Variants in OTUD7A observed in about 807,000 individuals in gnomAD.
OTUD7A encodes OTU domain-containing protein 7A.
Under a neutral mutation model 65.7 loss-of-function variants are expected in OTUD7A, and 12 were observed. That is an observed-to-expected ratio of 0.18 (90% CI 0.12 to 0.30). The LOEUF (loss-of-function observed/expected upper bound fraction) is 0.30, where lower values mean the gene tolerates loss of function less well. Among genes scored for constraint, OTUD7A ranks in the 10% least tolerant of loss-of-function variants. The probability of loss-of-function intolerance (pLI) is 1.00; values close to 1 mark genes in which losing one functional copy is unlikely to be tolerated. For synonymous variants in OTUD7A, 641 were observed against 586.3 expected, an observed-to-expected ratio of 1.09 and a Z score of -1.35; for missense variants, 1,148 against 1,304.8, an observed-to-expected ratio of 0.88 and a Z score of 1.85.
intron 1 of OTUD7A, among the ~76,000 whole-genome samples, chr15:31,864,463 C>T (rs66464120): frequency 0.099 from 15,090 of 152,100 alleles, 1,185 homozygotes; most frequent in East Asian, 0.45. Context: ...GCACTTTTTA[C>T]GTGGTGGTGG....
chr15:31,755,551 C>G (rs563985206), intron 1 of OTUD7A, among the ~76,000 whole-genome samples: 1 of 152,106 alleles, frequency 6.6e-6, no homozygotes, highest in Non-Finnish European at 1.5e-5. Context: ...GAAACCCCGT[C>G]TCTACTAAAA....
chr15:31,730,381 C>T (rs1443736300), intron 1 of OTUD7A, among the ~76,000 whole-genome samples: 1 of 152,222 alleles, frequency 6.6e-6, no homozygotes, highest in Non-Finnish European at 1.5e-5. Flanking sequence ...TCCATAACTA[C>T]CTTTAATGCT....
chr15:31,633,274 T>C lies in OTUD7A; in HGVS notation c.151+21822A>G, dbSNP rs182457668. Among the ~76,000 whole-genome samples the C allele has an allele frequency of 3.9e-4, 60 of 152,272 alleles. No homozygotes were observed. The East Asian group carries it at 0.012, about 29-fold the overall frequency. On this transcript the variant is annotated intron_variant, in intron 3 of 12. Transcript: ENST00000307050. ...TTTGGCCATCTTGGCTCCACCCCCC[T>C]GTATTTGTTTTAAACCAATTTTGAT... is the stretch of plus-strand genomic sequence containing the variant.
intron 1 of OTUD7A, among the ~76,000 whole-genome samples, chr15:31,751,882 A>G (rs904157910): frequency 6.6e-6 from 1 of 152,168 alleles, no homozygotes; most frequent in African/African-American, 2.4e-5. Flanking sequence ...AACAGATGCC[A>G]GAAACTCCAA....
chr15:31,522,749 T>C (rs1419435690), intron 8 of OTUD7A, among the ~76,000 whole-genome samples: 1 of 152,170 alleles, frequency 6.6e-6, no homozygotes, highest in East Asian at 1.9e-4. Context: ...GCCTGGCCAC[T>C]GTGAGTCCTC....
At chr15:31,678,359 A>T (rs550637887) in intron 1 of OTUD7A, among the ~76,000 whole-genome samples, 1 of 152,382 alleles carries the variant, frequency 6.6e-6, no homozygotes, top group South Asian at 2.1e-4. Context: ...GTAGAAATGT[A>T]CATAAGTAAT....
At chr15:31,647,628 C>T (rs189484593) in intron 3 of OTUD7A, among the ~76,000 whole-genome samples, 12 of 152,066 alleles carry the variant, frequency 7.9e-5, no homozygotes, top group Non-Finnish European at 7.4e-5. Flanking sequence ...TCCTTCTCCC[C>T]GACTTAGTTA....
intron 3 of OTUD7A, among the ~76,000 whole-genome samples, chr15:31,592,904 AATATATATATATATAT>A (rs1226266359): frequency 0.014 from 850 of 59,220 alleles, 37 homozygotes; most frequent in East Asian, 0.066. Flanking sequence ...AAAAAAAAAA[AATATATATATATATAT>A]ATATATATAT....
intron 1 of OTUD7A, among the ~76,000 whole-genome samples, chr15:31,791,169 G>C (rs1895804517): frequency 6.6e-6 from 1 of 152,126 alleles, no homozygotes; most frequent in African/African-American, 2.4e-5. Flanking sequence ...TGGGACTACA[G>C]GTACATGCCA....
intron 3 of OTUD7A, 31 bp from the exon 4 acceptor site, chr15:31,570,228 T>C (rs773641684): frequency 6.2e-7 from 1 of 1,607,738 alleles, no homozygotes; most frequent in South Asian, 1.1e-5. Context: ...GAGGTGACAA[T>C]ACGAACGCAT....
At chr15:31,829,680 T>C (rs193003123) in intron 1 of OTUD7A, among the ~76,000 whole-genome samples, 2 of 152,280 alleles carry the variant, frequency 1.3e-5, no homozygotes, top group East Asian at 3.9e-4. Flanking sequence ...CTTTCAGTTC[T>C]GAAGAAAGAT....
intron 8 of OTUD7A, among the ~76,000 whole-genome samples, chr15:31,507,210 TTA>T (rs1566889069): frequency 6.6e-6 from 1 of 152,158 alleles, no homozygotes; most frequent in Non-Finnish European, 1.5e-5. Context: ...TTTTAAAAAT[TTA>T]TGTCAAATTT....
intron 1 of OTUD7A, among the ~76,000 whole-genome samples, chr15:31,846,597 G>A (rs542526693): frequency 7.2e-5 from 11 of 152,208 alleles, no homozygotes; most frequent in Admixed American, 1.3e-4. Flanking sequence ...GAGCACCTCC[G>A]CAGCAAAGCC....
intron 5 of OTUD7A, among the ~76,000 whole-genome samples, chr15:31,533,234 A>ATT (rs71110888): frequency 1.2e-3 from 164 of 135,836 alleles, no homozygotes; most frequent in African/African-American, 2.7e-3. Context: ...AGCAGGATAA[A>ATT]TTTTTTTTTT....
At chr15:31,645,439 A>G (rs1288280322) in intron 3 of OTUD7A, among the ~76,000 whole-genome samples, 1 of 152,146 alleles carries the variant, frequency 6.6e-6, no homozygotes, top group African/African-American at 2.4e-5. Flanking sequence ...GTTTGCATCT[A>G]CTATCCAGGT....
chr15:31,850,256 T>C (rs1291978561), intron 1 of OTUD7A, among the ~76,000 whole-genome samples: 2 of 152,208 alleles, frequency 1.3e-5, no homozygotes, highest in East Asian at 3.8e-4. Flanking sequence ...TCATGTTCTT[T>C]GTAGGGACAC....
At chr15:31,525,733 G>A (rs916223669) in intron 8 of OTUD7A, among the ~76,000 whole-genome samples, 1 of 152,230 alleles carries the variant, frequency 6.6e-6, no homozygotes, top group Admixed American at 6.5e-5. Context: ...CTGCCCCACT[G>A]GTCTGGCCAC....
rs148123160 is a variant in OTUD7A, at chr15:31,859,614, G to T, written c.-100+10893C>A. 5.3e-3 allele frequency among the ~76,000 whole-genome samples: 808 copies of T among 152,306 alleles called. 3 individuals are homozygous for T. Among genetic ancestry groups the T allele is most frequent in the Middle Eastern group, 0.017 (5 of 294 alleles). On this transcript the variant is annotated intron_variant, in intron 1 of 12. Transcript: ENST00000307050. ...AGAAGAGGAACTCATGGTCCTCCCTGTTTCTCCTGGACCTGTCTCCCTGCA... is the reference window on the plus strand; with the variant it reads ...AGAAGAGGAACTCATGGTCCTCCCTTTTTCTCCTGGACCTGTCTCCCTGCA...
intron 1 of OTUD7A, among the ~76,000 whole-genome samples, chr15:31,731,950 C>T (rs916607381): frequency 1.3e-5 from 2 of 152,136 alleles, no homozygotes; most frequent in African/African-American, 4.8e-5. Context: ...AGACATTTCC[C>T]TTTCAGTAAC....
Sources: gnomAD v4.1 joint callset for allele counts (sites outside exome capture counted in the v4.1 genomes callset) on GRCh38, gnomAD v4.1.1 for gene constraint, MANE v1.5 for transcripts, NCBI Gene and HGNC (gene_info 2026-07-23, HGNC 2026-07-21) for gene names.